MB: variants seen among roughly 807,000 people sequenced by gnomAD.
MB encodes the protein myoglobin.
In MB, 10 loss-of-function variants were observed where a neutral mutation model predicts 14.5. The observed-to-expected ratio is 0.69, with a 90% CI of 0.43 to 1.17. The LOEUF (loss-of-function observed/expected upper bound fraction) is 1.17, where lower values mean the gene tolerates loss of function less well. MB is among the 50% of genes most tolerant of loss of function. The pLI, the probability that MB is intolerant of heterozygous loss-of-function variation, is 0.00. For missense variants in MB, 169 were observed against 192.7 expected, an observed-to-expected ratio of 0.88 and a Z score of 0.73; for synonymous variants, 89 against 78.6, an observed-to-expected ratio of 1.13 and a Z score of -0.70.
intron 1 of MB, chr22:35,622,465 C>T (rs2145929897): frequency 6.5e-6 from 1 of 152,834 alleles, no homozygotes; most frequent in East Asian, 1.9e-4. Context: ...CCCTCAGCAT[C>T]CATCATACTG....
intron 1 of MB, among the ~76,000 whole-genome samples, chr22:35,612,480 C>T (rs1076908): frequency 0.049 from 7,425 of 152,086 alleles, 339 homozygotes; most frequent in East Asian, 0.13. Context: ...CTCTGCTCAC[C>T]GCAACCTCCA....
Position 35,608,615 on chromosome 22 carries a change from A to C in MB, c.319-1172T>G, listed in dbSNP as rs537116900. Among the ~76,000 whole-genome samples, 1 of 152,324 alleles carries C rather than the reference A, an allele frequency of 6.6e-6. No homozygotes were observed. On this transcript the variant is annotated intron_variant, in intron 2 of 2. Transcript: ENST00000397326. This position sits in a 1 kb window ranked among gnomAD's most constrained non-coding sequence, Gnocchi z 4.3. The stretch of plus-strand genomic sequence containing the variant: ...GATGCTTGACTTCACCTTCCATTTC[A>C]TGAATGCCACAAAACAAAGTGGGGG...
chr22:35,608,695 C>G lies in MB; in HGVS notation c.319-1252G>C, dbSNP rs758972231. Reference sequence around the variant, plus strand: ...TTAGAGAACTTGAGAGAATCAAGTTCCAGGGCCACCTATGCCCCGACTCCA... The same window carrying G: ...TTAGAGAACTTGAGAGAATCAAGTTGCAGGGCCACCTATGCCCCGACTCCA... On this transcript the variant is annotated intron_variant, in intron 2 of 2. Coordinates refer to ENST00000397326, the MANE Select transcript of MB (RefSeq NM_005368.3). The surrounding 1 kb of genome is among the most constrained non-coding windows in gnomAD (Gnocchi z 4.3). 7.9e-5 allele frequency among the ~76,000 whole-genome samples: 12 copies of G among 152,178 alleles called. No individual in the cohort carries two copies. The highest frequency in any genetic ancestry group is 1.3e-4 in the Non-Finnish European group (9 of 68,020).
Position 35,617,150 on chromosome 22 carries a change from C to G in MB, c.95+13G>C, listed in dbSNP as rs1923133899. 6.2e-7 allele frequency: 1 copy of G among 1,605,320 alleles called. No homozygotes were observed. The highest frequency in any genetic ancestry group is 8.5e-7 in the Non-Finnish European group (1 of 1,172,038). ...GTGTGGGTGGCAGGGGCAATGGAAT[C>G]TCTTCCTTTTACCTGATGAGGACTT... is the stretch of plus-strand genomic sequence containing the variant. On this transcript the variant is annotated intron_variant, in intron 1 of 2. Coordinates refer to ENST00000397326, the MANE Select transcript of MB (RefSeq NM_005368.3).
At chr22:35,612,688 A>G (rs1259624211) in intron 1 of MB, among the ~76,000 whole-genome samples, 1 of 152,226 alleles carries the variant, frequency 6.6e-6, no homozygotes, top group East Asian at 1.9e-4. Context: ...AAGACTAACT[A>G]GCTGGGGATT....
At chr22:35,618,981 C>T (rs957031695), upstream of MB, among the ~76,000 whole-genome samples, 5 of 150,784 alleles carry the variant, frequency 3.3e-5, no homozygotes, top group African/African-American at 1.2e-4. Context: ...CTCATTATCC[C>T]TCCATTCATC....
At position 35,607,324 on chromosome 22, in the gene MB, G is replaced by A. The variant is rs1311350251; in HGVS notation, c.438C>T (p.Asn146=). The part of the protein sequence containing the change: ...LELFRKDMAS[N]YKELGFQG ...AGCCCTGGAAGCCCAGCTCCTTGTA[G>A]TTGGAGGCCATGTCCTTCCGGAACA... The change falls in exon 3 of 3, where the codon AAC becomes AAT. Residue 146 remains asparagine (N), a synonymous_variant. Coordinates refer to ENST00000397326, the MANE Select transcript of MB (RefSeq NM_005368.3). 4 of 1,613,866 alleles carry A rather than the reference G, an allele frequency of 2.5e-6. No individual in the cohort carries two copies. In the East Asian group the frequency reaches 6.7e-5, roughly 27 times the overall value.
chr22:35,617,360 A>C, upstream of MB: 1 of 773,222 alleles, frequency 1.3e-6, no homozygotes, highest in East Asian at 2.7e-5. Flanking sequence ...GCGTTTTTAT[A>C]CCTTCTGGGA....
chr22:35,615,109 G>C (rs1486301589), intron 1 of MB, among the ~76,000 whole-genome samples: 2 of 152,174 alleles, frequency 1.3e-5, no homozygotes, highest in Non-Finnish European at 2.9e-5. Flanking sequence ...GTGTTTTACA[G>C]ACTGGGCTTC....
In MB at chr22:35,607,360, C is replaced by A; in HGVS notation, c.402G>T (p.Lys134Asn). 1 of 1,614,204 alleles carries A rather than the reference C, an allele frequency of 6.2e-7. No homozygotes were observed. ...FGADAQGAMN[K>N]ALELFRKDMA... ...TGTCCTTCCGGAACAGCTCCAGGGC[C>A]TTGTTCATGGCCCCCTGGGCATCAG... is the stretch of plus-strand genomic sequence containing the variant. Residue 134 changes from lysine (K) to asparagine (N), a missense_variant, in exon 3 of 3, where the codon AAG (lysine) becomes AAT (asparagine). By Grantham distance (94) the Lys-to-Asn change is moderately conservative (BLOSUM62 0). Transcript: ENST00000397326.
rs1450503911 is a variant in MB at position 35,608,427 on chromosome 22, G to GT, written c.319-985dup. 5.9e-5 allele frequency among the ~76,000 whole-genome samples: 9 copies of GT among 152,218 alleles called. No homozygotes were observed. The highest frequency in any genetic ancestry group is 8.8e-5 in the Non-Finnish European group (6 of 68,050). On this transcript the variant is annotated intron_variant, in intron 2 of 2. Transcript: ENST00000397326. This position sits in a 1 kb window ranked among gnomAD's most constrained non-coding sequence, Gnocchi z 4.3. ...GAGGCAGTGGCTGAACCAAGGCTGGGTTTCTCGTTTTCTCAGGGCCCCAGG... is the reference window on the plus strand; with the variant it reads ...GAGGCAGTGGCTGAACCAAGGCTGGGTTTTCTCGTTTTCTCAGGGCCCCAGG...
At chr22:35,614,740 T>C (rs1026686919) in intron 1 of MB, among the ~76,000 whole-genome samples, 3 of 21,112 alleles carry the variant, frequency 1.4e-4, no homozygotes, top group Non-Finnish European at 2.2e-4. Context: ...TCTACCATTA[T>C]CATTATCATT....
At chr22:35,616,694 G>A (rs1056379042) in intron 1 of MB, among the ~76,000 whole-genome samples, 3 of 152,132 alleles carry the variant, frequency 2.0e-5, no homozygotes, top group Non-Finnish European at 2.9e-5. Flanking sequence ...GTCACCCAGT[G>A]GCTCAGTGGC....
rs1301105019 is a variant in MB at position 35,623,265 on chromosome 22, A to T, written c.-83T>A. Reference sequence around the variant, plus strand: ...AGTCTGGCTTCAGAGTCTCTGCTTCATGGCTAAGAACTGGTCTAATTTGGA... The same window carrying T: ...AGTCTGGCTTCAGAGTCTCTGCTTCTTGGCTAAGAACTGGTCTAATTTGGA... On this transcript the variant is annotated 5_prime_UTR_variant, in exon 1 of 4. Transcript: ENST00000359787. 3 of 152,310 alleles carry T rather than the reference A, an allele frequency of 2.0e-5. No individual in the cohort carries two copies. In the East Asian group the frequency reaches 5.8e-4, roughly 29 times the overall value. 9.4% of individuals were successfully genotyped at this position (152,310 alleles called of 1,614,324 possible).
intron 2 of MB, among the ~76,000 whole-genome samples, chr22:35,610,565 A>C (rs1004975065): frequency 6.6e-6 from 1 of 152,148 alleles, no homozygotes; most frequent in Non-Finnish European, 1.5e-5. Flanking sequence ...CCATCTATCA[A>C]GTGGATATGA....
chr22:35,620,109 G>A (rs1256789740), upstream of MB, among the ~76,000 whole-genome samples: 2 of 152,236 alleles, frequency 1.3e-5, no homozygotes, highest in Admixed American at 1.3e-4. Flanking sequence ...GCTGAGGTGG[G>A]TGGATCACAA....
At chr22:35,618,104 A>T (rs1289596355), upstream of MB, among the ~76,000 whole-genome samples, 1 of 152,094 alleles carries the variant, frequency 6.6e-6, no homozygotes, top group Non-Finnish European at 1.5e-5. Context: ...CCTGTCCCAA[A>T]CACTTGGCAT....
chr22:35,607,279 G>A lies in MB; in HGVS notation c.*18C>T. 2 of 1,606,078 alleles carry A rather than the reference G, an allele frequency of 1.2e-6. No individual in the cohort carries two copies. Among genetic ancestry groups the A allele is most frequent in the Non-Finnish European group, 1.7e-6 (2 of 1,174,260 alleles). On this transcript the variant is annotated 3_prime_UTR_variant, in exon 3 of 3. Transcript: ENST00000397326. The stretch of plus-strand genomic sequence containing the variant: ...TGAACCCGGGGCCCAGATGGGTGGG[G>A]GTGGGAGCGGCAGGGGCCTAGCCCT...
upstream of MB, among the ~76,000 whole-genome samples, chr22:35,621,742 C>A (rs567618673): frequency 6.6e-6 from 1 of 152,334 alleles, no homozygotes; most frequent in South Asian, 2.1e-4. Flanking sequence ...AGAGGCCCAG[C>A]TGAGTCTGCC....
Sources: gnomAD v4.1 joint callset for allele counts (sites outside exome capture counted in the v4.1 genomes callset) on GRCh38, gnomAD v4.1.1 for gene constraint, Gnocchi (gnomAD v3.1) non-coding constraint, MANE v1.5 for transcripts, NCBI Gene and HGNC (gene_info 2026-07-23, HGNC 2026-07-21) for gene names.